The following APOBEC3B variants were observed in gnomAD, a reference collection of about 807,000 sequenced individuals.
APOBEC3B encodes DNA dC->dU-editing enzyme APOBEC-3B.
APOBEC3B carries 29 observed loss-of-function variants against 53.4 expected under a neutral mutation model. The ratio of observed to expected loss-of-function variants is 0.54; its 90% confidence interval spans 0.40 to 0.74. The LOEUF is 0.74. Ranked by LOEUF, APOBEC3B falls within the 30% of genes least tolerant of loss-of-function variation. The probability of loss-of-function intolerance (pLI) is 0.00; values close to 1 mark genes in which losing one functional copy is unlikely to be tolerated. For synonymous variants in APOBEC3B, 132 were observed against 184.8 expected, an observed-to-expected ratio of 0.71 and a Z score of 2.32; for missense variants, 347 against 496.2, an observed-to-expected ratio of 0.70 and a Z score of 2.86.
rs1406595958 is a variant in APOBEC3B at position 38,990,992 on chromosome 22, C to T, written c.724-340C>T. 5.6e-4 allele frequency among the ~76,000 whole-genome samples: 82 copies of T among 147,084 alleles called. 4 individuals carry two copies. In the Middle Eastern group the frequency reaches 0.01, roughly 19 times the overall value. ...TAATAATTAATGCAATATTTTAAAA[C>T]GCAAATTTAATACAAATAGATCATG... On this transcript the variant is annotated intron_variant, in intron 5 of 7. Transcript: ENST00000333467.
chr22:38,983,823 G>A (rs1243620138), intron 1 of APOBEC3B, among the ~76,000 whole-genome samples: 1 of 148,668 alleles, frequency 6.7e-6, no homozygotes, highest in Non-Finnish European at 1.5e-5. Flanking sequence ...TACTAGGAGG[G>A]TGGGGAATGT....
At chr22:38,988,683 C>CTTTCTTTCTTTCTTTCTTTCTT (rs779025117) in intron 4 of APOBEC3B, among the ~76,000 whole-genome samples, 26 of 47,526 alleles carry the variant, frequency 5.5e-4, no homozygotes, top group Non-Finnish European at 3.9e-4. Context: ...TTCTCTCTTT[C>CTTTCTTTCTTTCTTTCTTTCTT]TCTTTCTTTC....
Position 38,984,031 on chromosome 22 carries a change from G to A in APOBEC3B, c.18-44G>A, listed in dbSNP as rs573552790. The A allele has an allele frequency of 1.8e-4, 277 of 1,565,642 alleles. 25 individuals carry two copies. Among genetic ancestry groups the A allele is most frequent in the East Asian group, 1.2e-3 (47 of 38,982 alleles). Reference sequence around the variant, plus strand: ...GTGGACATGAGCCCCGAGGACTCCCGGGAGGGCTCCCTGCATGGGCCGGTT... The same window carrying A: ...GTGGACATGAGCCCCGAGGACTCCCAGGAGGGCTCCCTGCATGGGCCGGTT... On this transcript the variant is annotated intron_variant, in intron 1 of 7. Coordinates refer to ENST00000333467, the MANE Select transcript of APOBEC3B (RefSeq NM_004900.5).
Position 38,984,629 on chromosome 22 carries a change from T to A in APOBEC3B, c.174+398T>A, listed in dbSNP as rs966211445. Among the ~76,000 whole-genome samples the A allele has an allele frequency of 3.0e-4, 44 of 148,550 alleles. 6 individuals carry two copies. In the East Asian group the frequency reaches 5.4e-3, roughly 18 times the overall value. On this transcript the variant is annotated intron_variant, in intron 2 of 7. Coordinates refer to ENST00000333467, the MANE Select transcript of APOBEC3B (RefSeq NM_004900.5). Reference sequence around the variant, plus strand: ...TTGTCTTTTTTTTAAAAAATTTTTTTAAAATTTTCTTCAACCTTGCCCTGG... The same window carrying A: ...TTGTCTTTTTTTTAAAAAATTTTTTAAAAATTTTCTTCAACCTTGCCCTGG...
In APOBEC3B at chr22:38,985,788, C is replaced by A. The variant is rs145739059; in HGVS notation, c.175-24C>A. ...CTCCTGCTCCCCCTCTCAGAGCATC[C>A]CCTGCCCCCTGCTCCTCTCCCAGGT... is the stretch of plus-strand genomic sequence containing the variant. On this transcript the variant is annotated intron_variant, in intron 2 of 7. Transcript: ENST00000333467. 4 of 1,576,546 alleles carry A rather than the reference C, an allele frequency of 2.5e-6. No homozygotes were observed. In the Admixed American group the frequency reaches 7.2e-5, roughly 29 times the overall value.
rs185569932 is a variant in APOBEC3B, at chr22:38,987,820, G to A, written c.569+1408G>A. On this transcript the variant is annotated intron_variant, in intron 4 of 7. Transcript: ENST00000333467. ...GGAGAAATGCTCTTATTTTAGGCAG[G>A]GCACGGTGGCTTATGCCTATAATCC... Among the ~76,000 whole-genome samples the A allele has an allele frequency of 1.1e-4, 17 of 148,446 alleles. 1 individual carries two copies. The highest frequency in any genetic ancestry group is 2.4e-4 in the Non-Finnish European group (16 of 67,270).
At chr22:38,992,342 C>T in intron 7 of APOBEC3B, 89 bp from the exon 8 acceptor site, 2 of 1,546,966 alleles carry the variant, frequency 1.3e-6, no homozygotes, top group Non-Finnish European at 1.8e-6. Flanking sequence ...CCCTCCTCTC[C>T]CGTCATTGTC....
At chr22:38,983,528 C>T (rs1374444670) in intron 1 of APOBEC3B, among the ~76,000 whole-genome samples, 13 of 148,252 alleles carry the variant, frequency 8.8e-5, no homozygotes, top group East Asian at 2.3e-4. Context: ...TCTGTGGCCT[C>T]GGCAGGTTAC....
chr22:38,984,768 C>A (rs1437933152), intron 2 of APOBEC3B, among the ~76,000 whole-genome samples: 1 of 147,910 alleles, frequency 6.8e-6, no homozygotes, highest in Non-Finnish European at 1.5e-5. Context: ...TTCTTCTTTT[C>A]TTTTTAACCC....
rs1029115663 is a variant in APOBEC3B at position 38,983,248 on chromosome 22, G to A, written c.17+778G>A. ...CAGGAGAATTGCTTGAACCTGGGAGGTGGAGGTTGCAGTGAGCTGAGATCA... is the reference window on the plus strand; with the variant it reads ...CAGGAGAATTGCTTGAACCTGGGAGATGGAGGTTGCAGTGAGCTGAGATCA... On this transcript the variant is annotated intron_variant, in intron 1 of 7. Transcript: ENST00000333467. Among the ~76,000 whole-genome samples the A allele has an allele frequency of 2.0e-5, 3 of 147,920 alleles. 1 individual carries two copies. The highest frequency in any genetic ancestry group is 7.0e-5 in the Admixed American group (1 of 14,356).
In APOBEC3B at chr22:38,992,726, T is replaced by C. The variant is rs1924063235; in HGVS notation, c.*281T>C. 3.7e-6 allele frequency: 3 copies of C among 808,196 alleles called. No homozygotes were observed. Among genetic ancestry groups the C allele is most frequent in the African/African-American group, 1.7e-5 (1 of 57,422 alleles). 50.1% of individuals were successfully genotyped at this position (808,196 alleles called of 1,614,324 possible). ...TTAATGAAGTGATTAATTGGCTCCA[T>C]ATTTAGACTAATAAAACATTAAGAA... On this transcript the variant is annotated 3_prime_UTR_variant, in exon 8 of 8. Transcript: ENST00000333467.
At chr22:38,984,422 C>T (rs577200211) in intron 2 of APOBEC3B, among the ~76,000 whole-genome samples, 191 bp downstream of exon 2, 1 of 148,638 alleles carries the variant, frequency 6.7e-6, no homozygotes, top group Admixed American at 6.9e-5. Context: ...AGAACAAAGG[C>T]GATTAATCAA....
intron 6 of APOBEC3B, among the ~76,000 whole-genome samples, 165 bp downstream of exon 6, chr22:38,991,791 G>T (rs1483394892): frequency 6.7e-6 from 1 of 148,158 alleles, no homozygotes; most frequent in Non-Finnish European, 1.5e-5. Flanking sequence ...GGAGATATGG[G>T]CCCGGGGAGG....
Position 38,989,498 on chromosome 22 carries a change from A to G in APOBEC3B, c.611A>G (p.Asn204Ser). Residue 204 changes from asparagine (N) to serine (S), a missense_variant, in exon 5 of 8, where the codon AAT becomes AGT. Asn to Ser is a conservative substitution (Grantham distance 46). Coordinates refer to ENST00000333467, the MANE Select transcript of APOBEC3B (RefSeq NM_004900.5). Reference protein sequence around the residue: ...DPDTFTFNFNNDPLVLRRRQT... With the variant: ...DPDTFTFNFNSDPLVLRRRQT... ...GACACATTCACTTTCAACTTTAATA[A>G]TGACCCTTTGGTCCTTCGACGGCGC... 1 of 1,586,110 alleles carries G rather than the reference A, an allele frequency of 6.3e-7. No individual in the cohort carries two copies. Among genetic ancestry groups the G allele is most frequent in the East Asian group, 2.5e-5 (1 of 39,990 alleles).
intron 6 of APOBEC3B, 72 bp downstream of exon 6, chr22:38,991,698 G>C: frequency 7.0e-7 from 1 of 1,427,194 alleles, no homozygotes; most frequent in Non-Finnish European, 9.5e-7. Context: ...AAAGGAGAAA[G>C]GCCTTGGTCT....
chr22:38,989,143 G>C (rs1923887439), intron 4 of APOBEC3B, among the ~76,000 whole-genome samples: 1 of 148,084 alleles, frequency 6.8e-6, no homozygotes, highest in Admixed American at 6.9e-5. Flanking sequence ...GGTGAGGCCA[G>C]GGAAGGAGAC....
At chr22:38,983,802 G>A (rs1923625076) in intron 1 of APOBEC3B, among the ~76,000 whole-genome samples, 1 of 148,948 alleles carries the variant, frequency 6.7e-6, no homozygotes, top group South Asian at 2.2e-4. Flanking sequence ...TGGGGAGTGG[G>A]TTGGCAGAAA....
chr22:38,989,191 G>A lies in APOBEC3B; in HGVS notation c.570-266G>A. ...CAGGGAGAGGGGCAGGGTCCTCCCC[G>A]GAGGGCCTGAGCACACTGAGCTGAC... On this transcript the variant is annotated intron_variant, in intron 4 of 7. Coordinates refer to ENST00000333467, the MANE Select transcript of APOBEC3B (RefSeq NM_004900.5). Among the ~76,000 whole-genome samples the A allele has an allele frequency of 1.4e-5, 2 of 147,970 alleles. 1 individual carries two copies. The highest frequency in any genetic ancestry group is 3.0e-5 in the Non-Finnish European group (2 of 67,074).
chr22:38,984,251 C>G lies in APOBEC3B; in HGVS notation c.174+20C>G, dbSNP rs372240785. 4.4e-6 allele frequency: 7 copies of G among 1,587,190 alleles called. No homozygotes were observed. Among genetic ancestry groups the G allele is most frequent in the African/African-American group, 1.4e-5 (1 of 74,068 alleles). ...GGCCAGGTACCACCCAAACTTCAAT[C>G]GAATCACAGGCAGTGTTGCAGGAAT... is the stretch of plus-strand genomic sequence containing the variant. On this transcript the variant is annotated intron_variant, in intron 2 of 7. Transcript: ENST00000333467.
Sources: gnomAD v4.1 joint callset for allele counts (sites outside exome capture counted in the v4.1 genomes callset) on GRCh38, gnomAD v4.1.1 for gene constraint, MANE v1.5 for transcripts, NCBI Gene and HGNC (gene_info 2026-07-23, HGNC 2026-07-21) for gene names.